DNAAF4: variants seen among roughly 807,000 people sequenced by gnomAD.
DNAAF4 encodes the protein dynein axonemal assembly factor 4.
DNAAF4 carries 43 observed loss-of-function variants against 51.8 expected under a neutral mutation model. The observed-to-expected ratio is 0.83, with a 90% CI of 0.65 to 1.07. The LOEUF (loss-of-function observed/expected upper bound fraction) is 1.07, where lower values mean the gene tolerates loss of function less well. Among genes scored for constraint, DNAAF4 ranks in the 50% least tolerant of loss-of-function variants. The pLI, the probability that DNAAF4 is intolerant of heterozygous loss-of-function variation, is 0.00. For synonymous variants in DNAAF4, 194 were observed against 165.6 expected (o/e 1.17, Z -1.32); for missense variants, 581 against 493.0 (o/e 1.18, Z -1.69).
At chr15:55,436,550 A>C (rs2057614034) in intron 7 of DNAAF4, among the ~76,000 whole-genome samples, 1 of 151,788 alleles carries the variant, frequency 6.6e-6, no homozygotes. Flanking sequence ...ATGCCTGACT[A>C]GTTTTTGTAT....
At chr15:55,473,357 A>G (rs2058293750) in intron 4 of DNAAF4, among the ~76,000 whole-genome samples, 1 of 137,832 alleles carries the variant, frequency 7.3e-6, no homozygotes. Flanking sequence ...GTGTGTATAT[A>G]TATGTGTGTG....
intron 5 of DNAAF4, among the ~76,000 whole-genome samples, chr15:55,455,222 A>C (rs945747136): frequency 6.7e-6 from 1 of 149,862 alleles, no homozygotes; most frequent in East Asian, 1.9e-4. Flanking sequence ...CTCTTATCTA[A>C]CTATATTGTT....
chr15:55,445,585 G>A (rs2057786580), intron 6 of DNAAF4, among the ~76,000 whole-genome samples: 1 of 151,912 alleles, frequency 6.6e-6, no homozygotes, highest in African/African-American at 2.4e-5. Context: ...CTCCCAGATG[G>A]GGCGGCCAGG....
At chr15:55,439,640 C>T (rs552201326) in intron 6 of DNAAF4, 59 bp from the exon 7 acceptor site, 366 of 1,460,618 alleles carry the variant, frequency 2.5e-4, no homozygotes, top group Non-Finnish European at 3.3e-4. Flanking sequence ...TTAACATTTC[C>T]TTTTAGATTT....
chr15:55,499,571 C>A (rs1468394449), intron 1 of DNAAF4, among the ~76,000 whole-genome samples: 1 of 152,158 alleles, frequency 6.6e-6, no homozygotes, highest in Non-Finnish European at 1.5e-5. Context: ...CAACACATAC[C>A]AGGAGCTTGT....
At position 55,497,729 on chromosome 15, in the gene DNAAF4, G is replaced by T. The variant is rs762141070; in HGVS notation, c.254C>A (p.Thr85Asn). The change falls in exon 3 of 10, where the codon ACC becomes AAC. Residue 85 changes from threonine to asparagine, a missense_variant. Coordinates refer to ENST00000321149, the MANE Select transcript of DNAAF4 (RefSeq NM_130810.4). The part of the protein sequence containing the change: ...LYKKEAAMWE[T>N]LSVTGVDKEM... ...GAACTTACCACCCGTCACAGAAAGGGTCTCCCACATGGCCGCTTCTTTTTT... is the reference window on the plus strand; with the variant it reads ...GAACTTACCACCCGTCACAGAAAGGTTCTCCCACATGGCCGCTTCTTTTTT... 6 of 1,611,498 alleles carry T rather than the reference G, an allele frequency of 3.7e-6. No homozygotes were observed. In the Admixed American group the frequency reaches 8.4e-5, roughly 23 times the overall value.
At chr15:55,451,619 C>CT (rs34676492) in intron 5 of DNAAF4, among the ~76,000 whole-genome samples, 112,657 of 146,826 alleles carry the variant, frequency 0.77, 46,341 homozygotes, top group East Asian at 0.98. Context: ...TGAATAATAT[C>CT]TTTTTTTTTT....
intron 1 of DNAAF4, among the ~76,000 whole-genome samples, chr15:55,506,459 G>C (rs1056835743): frequency 6.6e-6 from 1 of 152,102 alleles, no homozygotes; most frequent in African/African-American, 2.4e-5. Context: ...GCTGCTCTGT[G>C]CATTTTAAGA....
chr15:55,426,187 G>A (rs1329005236), downstream of DNAAF4, among the ~76,000 whole-genome samples: 1 of 152,162 alleles, frequency 6.6e-6, no homozygotes, highest in Non-Finnish European at 1.5e-5. Context: ...TGAGCTAGGT[G>A]GTGCCAGCTG....
intron 4 of DNAAF4, among the ~76,000 whole-genome samples, chr15:55,484,828 G>C (rs907133464): frequency 2.6e-5 from 4 of 152,146 alleles, no homozygotes; most frequent in African/African-American, 9.7e-5. Flanking sequence ...GGGCTGGGAG[G>C]CTAGGCCAGT....
At chr15:55,440,143 C>T (rs1165283805) in intron 6 of DNAAF4, among the ~76,000 whole-genome samples, 1 of 151,974 alleles carries the variant, frequency 6.6e-6, no homozygotes, top group East Asian at 1.9e-4. Context: ...ACCTCCACCT[C>T]CCAGGTTCAA....
intron 9 of DNAAF4, among the ~76,000 whole-genome samples, chr15:55,431,897 G>A (rs544368859): frequency 2.0e-5 from 3 of 151,852 alleles, no homozygotes; most frequent in African/African-American, 7.2e-5. Context: ...GATTATAGGC[G>A]TGAAGCACCA....
At chr15:55,479,374 C>T (rs1223425615) in intron 4 of DNAAF4, among the ~76,000 whole-genome samples, 2 of 151,870 alleles carry the variant, frequency 1.3e-5, no homozygotes, top group African/African-American at 4.8e-5. Context: ...ATAATTTATG[C>T]CTGTCTTTAC....
chr15:55,432,892 G>A (rs2141401849), intron 8 of DNAAF4, among the ~76,000 whole-genome samples: 1 of 152,202 alleles, frequency 6.6e-6, no homozygotes, highest in South Asian at 2.1e-4. Flanking sequence ...AGAGCTTGCA[G>A]AGAGCCGAGA....
intron 5 of DNAAF4, among the ~76,000 whole-genome samples, chr15:55,456,900 G>A (rs566318788): frequency 5.3e-5 from 8 of 152,346 alleles, no homozygotes; most frequent in Admixed American, 2.6e-4. Context: ...CATTCCTGGC[G>A]TGATCTCACA....
intron 4 of DNAAF4, among the ~76,000 whole-genome samples, chr15:55,489,052 G>A (rs889726754): frequency 6.6e-6 from 1 of 151,186 alleles, no homozygotes; most frequent in African/African-American, 2.4e-5. Flanking sequence ...TTGCGCCGCT[G>A]CACTCCAGCC....
intron 4 of DNAAF4, among the ~76,000 whole-genome samples, chr15:55,470,612 G>A (rs1010132687): frequency 1.3e-5 from 2 of 151,330 alleles, no homozygotes; most frequent in African/African-American, 4.9e-5. Context: ...CGCAATCATG[G>A]CTCACTGCAG....
At chr15:55,497,525 C>G (rs936203176) in intron 3 of DNAAF4, among the ~76,000 whole-genome samples, 187 bp downstream of exon 3, 9 of 151,824 alleles carry the variant, frequency 5.9e-5, no homozygotes, top group Non-Finnish European at 1.2e-4. Context: ...CCTTGAACCC[C>G]GGGGGCAGAG....
chr15:55,501,376 C>CTTTTT (rs1192104530), intron 1 of DNAAF4, among the ~76,000 whole-genome samples: 1 of 104,512 alleles, frequency 9.6e-6, no homozygotes, highest in Non-Finnish European at 2.0e-5. Flanking sequence ...TTCTTTCTTT[C>CTTTTT]TTTTTTTTTT....
Sources: allele counts gnomAD v4.1 joint callset (sites outside exome capture counted in the v4.1 genomes callset), GRCh38; gene constraint gnomAD v4.1.1; transcripts MANE v1.5; gene names NCBI Gene and HGNC (gene_info 2026-07-23, HGNC 2026-07-21).